PIKFYVE: variants seen among roughly 807,000 people sequenced by gnomAD.
The protein encoded by PIKFYVE is phosphoinositide kinase, FYVE-type zinc finger containing.
Under a neutral mutation model 257.9 loss-of-function variants are expected in PIKFYVE, and 122 were observed. The observed-to-expected ratio is 0.47, with a 90% CI of 0.41 to 0.55. PIKFYVE has a LOEUF of 0.55. Among genes scored for constraint, PIKFYVE ranks in the 20% least tolerant of loss-of-function variants. PIKFYVE has a pLI of 0.00. For synonymous variants in PIKFYVE, 892 were observed against 868.9 expected (o/e 1.03, Z -0.47); for missense variants, 2,160 against 2,536.6 (o/e 0.85, Z 3.19).
chr2:208,305,571 T>C (rs899302925), intron 12 of PIKFYVE: 1 of 684,692 alleles, frequency 1.5e-6, no homozygotes, highest in African/African-American at 2.0e-5. Context: ...TTTTTAGCTA[T>C]CTTATTTGAT....
chr2:208,285,566 C>A lies in PIKFYVE; in HGVS notation c.614-160C>A, dbSNP rs556095307. 3.3e-5 allele frequency among the ~76,000 whole-genome samples: 5 copies of A among 152,094 alleles called. No homozygotes were observed. In the East Asian group the frequency reaches 9.7e-4, roughly 29 times the overall value. The stretch of plus-strand genomic sequence containing the variant: ...TATAATAGAGCTAACAAAATTATTT[C>A]ACTTTTTAAAATGTCTTTTTTTGAG... On this transcript the variant is annotated intron_variant, in intron 5 of 41. Transcript: ENST00000264380.
chr2:208,299,278 C>A (rs1284934690), intron 8 of PIKFYVE, among the ~76,000 whole-genome samples: 1 of 151,752 alleles, frequency 6.6e-6, no homozygotes, highest in East Asian at 1.9e-4. Context: ...ATTTTCTTTT[C>A]TTTCTTTCTT....
At chr2:208,332,131 C>T (rs1381968788) in intron 23 of PIKFYVE, among the ~76,000 whole-genome samples, 2 of 152,050 alleles carry the variant, frequency 1.3e-5, no homozygotes, top group African/African-American at 4.8e-5. Flanking sequence ...TATCAAATTT[C>T]TATGAGCCAT....
At chr2:208,268,313 T>G (rs1384226536) in intron 1 of PIKFYVE, among the ~76,000 whole-genome samples, 1 of 152,220 alleles carries the variant, frequency 6.6e-6, no homozygotes, top group East Asian at 1.9e-4. Context: ...TAAGACTCTT[T>G]AGGCAGAATG....
rs567517419 is a variant in PIKFYVE at position 208,317,903 on chromosome 2, A to G, written c.2044A>G (p.Asn682Asp). 8 of 1,614,060 alleles carry G rather than the reference A, an allele frequency of 5.0e-6. No homozygotes were observed. The South Asian group carries it at 7.7e-5, about 16-fold the overall frequency. ...AAAGAAGTTTGATTCTGTGGTTGTC[A>G]ATGGCTTTGTTTGTACCAAGAACAT... Reference protein sequence around the residue: ...GGKKFDSVVVNGFVCTKNIAH... With the variant: ...GGKKFDSVVVDGFVCTKNIAH... Residue 682 changes from asparagine to aspartate, a missense_variant, in exon 16 of 42, where the codon AAT (asparagine) becomes GAT (aspartate). Physicochemically the swap from Asn to Asp is conservative, Grantham distance 23 (BLOSUM62 1). This residue lies in a region of PIKFYVE where 346 missense variants were observed against 365.6 expected (regional missense o/e 0.95). Coordinates refer to ENST00000264380, the MANE Select transcript of PIKFYVE (RefSeq NM_015040.4).
rs1358985764 is a variant in PIKFYVE at position 208,271,432 on chromosome 2, G to T, written c.-9-79G>T. ...ACTTTTCACAGAATAGGATTTTCTG[G>T]ATATTTCGATGCTGTTTGGAATCAA... is the stretch of plus-strand genomic sequence containing the variant. On this transcript the variant is annotated intron_variant, in intron 1 of 41. Coordinates refer to ENST00000264380, the MANE Select transcript of PIKFYVE (RefSeq NM_015040.4). 22 of 1,315,786 alleles carry T rather than the reference G, an allele frequency of 1.7e-5. No individual in the cohort carries two copies. In the East Asian group the frequency reaches 5.1e-4, roughly 30 times the overall value. 81.5% of individuals were successfully genotyped at this position (1,315,786 alleles called of 1,614,324 possible).
rs548075072 is a variant in PIKFYVE at position 208,348,968 on chromosome 2, G to T, written c.5374+945G>T. ...ACTTGAGACTAGGAGTTGGAGATGAGCCTGGCCGACATAGAGAAACCCCAT... is the reference window on the plus strand; with the variant it reads ...ACTTGAGACTAGGAGTTGGAGATGATCCTGGCCGACATAGAGAAACCCCAT... On this transcript the variant is annotated intron_variant, in intron 35 of 41. Coordinates refer to ENST00000264380, the MANE Select transcript of PIKFYVE (RefSeq NM_015040.4). 6.0e-4 allele frequency among the ~76,000 whole-genome samples: 91 copies of T among 152,062 alleles called. 1 individual carries two copies. Among genetic ancestry groups the T allele is most frequent in the African/African-American group, 1.8e-3 (73 of 41,486 alleles).
intron 12 of PIKFYVE, 105 bp from the exon 13 acceptor site, chr2:208,312,131 G>A: frequency 7.0e-6 from 6 of 858,022 alleles, no homozygotes; most frequent in Non-Finnish European, 1.2e-5. Flanking sequence ...TTTAGTATGA[G>A]TAATATTTTG....
At chr2:208,296,387 A>C (rs772252713) in intron 7 of PIKFYVE, among the ~76,000 whole-genome samples, 1 of 152,226 alleles carries the variant, frequency 6.6e-6, no homozygotes, top group Admixed American at 6.5e-5. Flanking sequence ...CAACAGAAAG[A>C]CATCAAAGGT....
chr2:208,347,829 T>G (rs1391943360), intron 34 of PIKFYVE, 30 bp from the exon 35 acceptor site: 6 of 1,578,366 alleles, frequency 3.8e-6, no homozygotes, highest in Non-Finnish European at 4.3e-6. Context: ...GACCTGTACT[T>G]AAAATTAATA....
At chr2:208,339,962 CTTA>C (rs762913686) in intron 30 of PIKFYVE, 46 bp from the exon 31 acceptor site, 2 of 1,586,660 alleles carry the variant, frequency 1.3e-6, no homozygotes, top group Non-Finnish European at 1.7e-6. Context: ...GTTTATACTT[CTTA>C]TTCTCTGTGA....
chr2:208,305,793 T>TA (rs1240338969), intron 12 of PIKFYVE, among the ~76,000 whole-genome samples: 1 of 152,138 alleles, frequency 6.6e-6, no homozygotes, highest in Non-Finnish European at 1.5e-5. Flanking sequence ...AGTGAATAAA[T>TA]AAAAAATACA....
At chr2:208,340,774 C>A (rs1698619637) in intron 31 of PIKFYVE, among the ~76,000 whole-genome samples, 1 of 152,160 alleles carries the variant, frequency 6.6e-6, no homozygotes, top group East Asian at 1.9e-4. Flanking sequence ...GTTTAAGTGT[C>A]CTGTGATGTA....
rs191557184 is a variant in PIKFYVE, at chr2:208,278,583, C to T, written c.613+875C>T. On this transcript the variant is annotated intron_variant, in intron 5 of 41. Transcript: ENST00000264380. ...CCTCCCTCCCTGCTCTAGTAGTCCC[C>T]TTGTCTATTGTTGCCATCTTTATGT... Among the ~76,000 whole-genome samples the T allele has an allele frequency of 8.2e-3, 1,250 of 152,098 alleles. 16 individuals carry two copies. The highest frequency in any genetic ancestry group is 0.029 in the African/African-American group (1,184 of 41,460).
At chr2:208,305,300 A>G in intron 12 of PIKFYVE, 1 of 1,282,988 alleles carries the variant, frequency 7.8e-7, no homozygotes, top group Non-Finnish European at 1.0e-6. Context: ...TGCAACTTCC[A>G]AGGTGGCATT....
intron 8 of PIKFYVE, among the ~76,000 whole-genome samples, chr2:208,299,787 A>G (rs1251784837): frequency 6.6e-6 from 1 of 152,226 alleles, no homozygotes; most frequent in Non-Finnish European, 1.5e-5. Context: ...TGCATAAAAT[A>G]CTGTGTTCAA....
chr2:208,315,193 T>C lies in PIKFYVE; in HGVS notation c.1827T>C (p.Leu609=). 6.2e-7 allele frequency: 1 copy of C among 1,612,844 alleles called. No individual in the cohort carries two copies. The highest frequency in any genetic ancestry group is 8.5e-7 in the Non-Finnish European group (1 of 1,178,906). ...NGEKQAMERL[L]SANHNHMMAL... is the part of the protein sequence containing the mutation. ...CTTCTTTCTTATAATATTTTTGTAG[T>C]TCAGCTAATCATAACCACATGATGG... is the stretch of plus-strand genomic sequence containing the variant. The change falls in exon 15 of 42, where the codon CTT becomes CTC. Residue 609 remains leucine (L), a splice_region_variant and synonymous_variant. Transcript: ENST00000264380.
Position 208,325,514 on chromosome 2 carries a change from T to A in PIKFYVE, c.2703T>A (p.Ala901=), listed in dbSNP as rs1696822005. The change falls in exon 20 of 42, where the codon GCT becomes GCA. Residue 901 remains alanine (A), a synonymous_variant. Coordinates refer to ENST00000264380, the MANE Select transcript of PIKFYVE (RefSeq NM_015040.4). ...TTGAGGGACGAGGGCATGAGGGGGC[T>A]GTCCAAGAGCAGTACGGTGGAGGTT... The part of the protein sequence containing the change: ...SLIEGRGHEG[A]VQEQYGGGSI... 1.9e-6 allele frequency: 3 copies of A among 1,614,214 alleles called. No individual in the cohort carries two copies. Among genetic ancestry groups the A allele is most frequent in the Non-Finnish European group, 2.5e-6 (3 of 1,180,026 alleles).
At chr2:208,339,300 A>C (rs947058410) in intron 29 of PIKFYVE, 118 bp from the exon 30 acceptor site, 3 of 1,253,346 alleles carry the variant, frequency 2.4e-6, no homozygotes, top group African/African-American at 1.5e-5. Flanking sequence ...GATGATTTTT[A>C]AAAAGTAAAA....
Sources: gnomAD v4.1 joint callset for allele counts (sites outside exome capture counted in the v4.1 genomes callset) on GRCh38, gnomAD v4.1.1 for gene constraint, gnomAD v4.1.1 regional missense constraint, MANE v1.5 for transcripts, NCBI Gene and HGNC (gene_info 2026-07-23, HGNC 2026-07-21) for gene names.